Variants in RAD54L2 observed in about 807,000 individuals in gnomAD.
The protein encoded by RAD54L2 is helicase ARIP4.
Under a neutral mutation model 138.4 loss-of-function variants are expected in RAD54L2, and 27 were observed. The ratio of observed to expected loss-of-function variants is 0.20; its 90% CI spans 0.14 to 0.27. The LOEUF (loss-of-function observed/expected upper bound fraction) is 0.27. Ranked by LOEUF, RAD54L2 falls within the 10% of genes least tolerant of loss-of-function variation. RAD54L2 has a pLI of 1.00. For missense variants in RAD54L2, 1,396 were observed against 1,890.2 expected (o/e 0.74, Z 4.85); for synonymous variants, 644 against 723.2 (o/e 0.89, Z 1.76).
chr3:51,637,031 G>A lies in RAD54L2; in HGVS notation c.1340-130G>A. 2.5e-6 allele frequency: 2 copies of A among 789,784 alleles called. No homozygotes were observed. Among genetic ancestry groups the A allele is most frequent in the Non-Finnish European group, 2.1e-6 (1 of 484,714 alleles). 48.9% of individuals were successfully genotyped at this position (789,784 alleles called of 1,614,324 possible). A position where few individuals can be genotyped will look rare whatever the true frequency, so the allele number is the denominator to read the frequency against. ...GAATGGCTGGCACCCTCTCACCAAG[G>A]GGGGCTGACTCTTGCTTTCCTGCTT... On this transcript the variant is annotated intron_variant, in intron 10 of 22. Coordinates refer to ENST00000684192, the MANE Select transcript of RAD54L2 (RefSeq NM_015106.4). This position sits in a 1 kb window ranked among gnomAD's most constrained non-coding sequence, Gnocchi z 5.9.
At position 51,668,086 on chromosome 3, in the gene RAD54L2, A is replaced by AGT. The variant is rs796870566; in HGVS notation, c.*4681_*4682dup. On this transcript the variant is annotated 3_prime_UTR_variant, in exon 23 of 23. Transcript: ENST00000684192. ...CCAGCTGTGTGTGTGTGTGTGTGTG[A>AGT]GTGTGTGTGTGTGTGTTTGTGTGCT... is the stretch of plus-strand genomic sequence containing the variant. 41 of 146,610 alleles carry AGT rather than the reference A, an allele frequency of 2.8e-4. No homozygotes were observed. Among genetic ancestry groups the AGT allele is most frequent in the East Asian group, 9.9e-4 (5 of 5,068 alleles). The allele number at this position is 146,610 out of a possible 1,614,324, so 9.1% of individuals were successfully genotyped here.
chr3:51,581,529 A>T (rs1397199316), intron 2 of RAD54L2, among the ~76,000 whole-genome samples: 1 of 152,194 alleles, frequency 6.6e-6, no homozygotes, highest in African/African-American at 2.4e-5. Flanking sequence ...AATCTTTGTC[A>T]CACAGTTCAT....
intron 3 of RAD54L2, among the ~76,000 whole-genome samples, chr3:51,613,495 G>A (rs1057297410): frequency 6.6e-6 from 1 of 152,160 alleles, no homozygotes; most frequent in Admixed American, 6.5e-5. Flanking sequence ...TAGGCCGGTC[G>A]TGGCGGCTCA....
At chr3:51,633,877 C>A (rs759968069) in intron 8 of RAD54L2, 25 bp from the exon 9 acceptor site, 1 of 1,608,646 alleles carries the variant, frequency 6.2e-7, no homozygotes, top group Non-Finnish European at 8.5e-7. Context: ...ATAAAACTCT[C>A]TTTTTGGACT....
chr3:51,587,437 GGTCACTAA>G (rs1699733901), intron 2 of RAD54L2, among the ~76,000 whole-genome samples: 1 of 152,060 alleles, frequency 6.6e-6, no homozygotes, highest in South Asian at 2.1e-4. Context: ...AAATCTGCCA[GGTCACTAA>G]GTGAATGGTA....
At chr3:51,571,633 G>T (rs1373411434) in intron 2 of RAD54L2, among the ~76,000 whole-genome samples, 1 of 152,038 alleles carries the variant, frequency 6.6e-6, no homozygotes, top group Non-Finnish European at 1.5e-5. Context: ...CTCCCAAAGT[G>T]CTGGGATTAC....
chr3:51,629,309 T>G, intron 4 of RAD54L2, 25 bp from the exon 5 acceptor site: 1 of 1,569,380 alleles, frequency 6.4e-7, no homozygotes, highest in Non-Finnish European at 8.6e-7. Flanking sequence ...TGAACCCAAG[T>G]GCTGTCTCTT....
rs138586078 is a variant in RAD54L2, at chr3:51,543,549, G to A, written c.-55+1899G>A. Reference sequence around the variant, plus strand: ...CTTGAACCTAGGAGGCGGAGGTTGCGGTGAGCAGAGGTTGTGCTAGTGCAC... The same window carrying A: ...CTTGAACCTAGGAGGCGGAGGTTGCAGTGAGCAGAGGTTGTGCTAGTGCAC... On this transcript the variant is annotated intron_variant, in intron 2 of 22. Transcript: ENST00000684192. Among the ~76,000 whole-genome samples, 1,378 of 151,364 alleles carry A rather than the reference G, an allele frequency of 9.1e-3. 26 individuals carry two copies. Among genetic ancestry groups the A allele is most frequent in the African/African-American group, 0.031 (1,292 of 41,172 alleles).
At chr3:51,576,325 T>G (rs1397818486) in intron 2 of RAD54L2, among the ~76,000 whole-genome samples, 1 of 152,112 alleles carries the variant, frequency 6.6e-6, no homozygotes, top group Non-Finnish European at 1.5e-5. Context: ...TGTTGTGTCT[T>G]TGCCAGGCTT....
chr3:51,610,473 AG>A (rs1700304079), intron 3 of RAD54L2, among the ~76,000 whole-genome samples: 1 of 151,884 alleles, frequency 6.6e-6, no homozygotes, highest in South Asian at 2.1e-4. Context: ...GCGTGCTAGC[AG>A]GCACCTATAA....
At chr3:51,560,038 T>C (rs1031562217) in intron 2 of RAD54L2, among the ~76,000 whole-genome samples, 2 of 152,184 alleles carry the variant, frequency 1.3e-5, no homozygotes, top group African/African-American at 4.8e-5. Flanking sequence ...GATGCCATTA[T>C]GCCAGTTGTA....
rs541847429 is a variant in RAD54L2 at position 51,566,905 on chromosome 3, T to C, written c.-54-23462T>C. 1.1e-4 allele frequency among the ~76,000 whole-genome samples: 16 copies of C among 152,328 alleles called. No homozygotes were observed. The South Asian group carries it at 3.1e-3, about 30-fold the overall frequency. Reference sequence around the variant, plus strand: ...AACTGATTTGAGGGCTGACTGATGATTACAGGCTCCCATTTTGTCTCCATC... The same window carrying C: ...AACTGATTTGAGGGCTGACTGATGACTACAGGCTCCCATTTTGTCTCCATC... On this transcript the variant is annotated intron_variant, in intron 2 of 22. Coordinates refer to ENST00000684192, the MANE Select transcript of RAD54L2 (RefSeq NM_015106.4).
At chr3:51,583,423 T>A (rs892874578) in intron 2 of RAD54L2, among the ~76,000 whole-genome samples, 2 of 151,672 alleles carry the variant, frequency 1.3e-5, no homozygotes, top group African/African-American at 4.8e-5. Flanking sequence ...TAGCTTCTTT[T>A]TTTTTATTTT....
rs1489908365 is a variant in RAD54L2 at position 51,538,726 on chromosome 3, A to G, written c.-306A>G. Reference sequence around the variant, plus strand: ...CGCGGACCGTGAGCGGAGGCTGGCGAGCGCCGCCGCCGGTGGAGACCGACG... The same window carrying G: ...CGCGGACCGTGAGCGGAGGCTGGCGGGCGCCGCCGCCGGTGGAGACCGACG... On this transcript the variant is annotated 5_prime_UTR_variant, in exon 1 of 23. Coordinates refer to ENST00000684192, the MANE Select transcript of RAD54L2 (RefSeq NM_015106.4). Among the ~76,000 whole-genome samples, 1 of 151,878 alleles carries G rather than the reference A, an allele frequency of 6.6e-6. No individual in the cohort carries two copies. Among genetic ancestry groups the G allele is most frequent in the East Asian group, 1.9e-4 (1 of 5,170 alleles).
chr3:51,566,466 GTTT>G (rs71084149), intron 2 of RAD54L2, among the ~76,000 whole-genome samples: 1 of 31,534 alleles, frequency 3.2e-5, no homozygotes, highest in Non-Finnish European at 5.5e-5. Context: ...CCTTTTCTGC[GTTT>G]TTTTTTTTTT....
chr3:51,623,486 C>T (rs1424492219), intron 3 of RAD54L2, among the ~76,000 whole-genome samples: 1 of 152,134 alleles, frequency 6.6e-6, no homozygotes, highest in Non-Finnish European at 1.5e-5. Context: ...ATTGACATCC[C>T]TATTTTGCAG....
chr3:51,575,515 A>T (rs1699459414), intron 2 of RAD54L2, among the ~76,000 whole-genome samples: 1 of 151,950 alleles, frequency 6.6e-6, no homozygotes, highest in South Asian at 2.1e-4. Context: ...GTGTCCTCTT[A>T]TATTTCATTG....
At chr3:51,558,287 T>C (rs1431327650) in intron 2 of RAD54L2, among the ~76,000 whole-genome samples, 1 of 152,184 alleles carries the variant, frequency 6.6e-6, no homozygotes, top group Non-Finnish European at 1.5e-5. Context: ...GTCAGTTGGC[T>C]CCTGTTTTAA....
At chr3:51,561,679 A>G (rs1699102900) in intron 2 of RAD54L2, among the ~76,000 whole-genome samples, 1 of 151,492 alleles carries the variant, frequency 6.6e-6, no homozygotes, top group Non-Finnish European at 1.5e-5. Flanking sequence ...CTCCCACCTC[A>G]GCCTCCTGAG....
Sources: gnomAD v4.1 joint callset for allele counts (sites outside exome capture counted in the v4.1 genomes callset) on GRCh38, gnomAD v4.1.1 for gene constraint, Gnocchi (gnomAD v3.1) non-coding constraint, MANE v1.5 for transcripts, NCBI Gene and HGNC (gene_info 2026-07-23, HGNC 2026-07-21) for gene names.